Variants in DTD1 observed in about 807,000 individuals in gnomAD.
DTD1 encodes the protein D-aminoacyl-tRNA deacylase 1.
DTD1 carries 13 observed loss-of-function variants against 25.6 expected under a neutral mutation model. The observed-to-expected ratio is 0.51, with a 90% CI of 0.33 to 0.81. The LOEUF is 0.81. DTD1 is among the 30% of genes least tolerant of loss of function. The pLI, the probability that DTD1 is intolerant of heterozygous loss-of-function variation, is 0.02. For missense variants in DTD1, 193 were observed against 266.4 expected (o/e 0.72, Z 1.92); for synonymous variants, 110 against 103.6 (o/e 1.06, Z -0.37).
intron 4 of DTD1, among the ~76,000 whole-genome samples, chr20:18,648,762 C>T (rs559976533): frequency 2.8e-4 from 42 of 151,704 alleles, no homozygotes; most frequent in Non-Finnish European, 4.9e-4. Context: ...AATTTAAGGC[C>T]GAGGTGGGCG....
chr20:18,680,014 A>T (rs1210561803), intron 4 of DTD1, among the ~76,000 whole-genome samples: 1 of 152,286 alleles, frequency 6.6e-6, no homozygotes, highest in Non-Finnish European at 1.5e-5. Context: ...CTCAGGAATT[A>T]AACTTTGGAC....
chr20:18,708,262 ATTTT>A (rs1183463678), intron 4 of DTD1, among the ~76,000 whole-genome samples: 6 of 35,654 alleles, frequency 1.7e-4, no homozygotes, highest in African/African-American at 3.0e-4. Context: ...TTATATATAT[ATTTT>A]ATATATATAT....
At chr20:18,632,938 G>A (rs1453608339) in intron 4 of DTD1, among the ~76,000 whole-genome samples, 1 of 152,098 alleles carries the variant, frequency 6.6e-6, no homozygotes, top group African/African-American at 2.4e-5. Context: ...TTTGGTATTT[G>A]ATGGTGTGCT....
intron 4 of DTD1, among the ~76,000 whole-genome samples, chr20:18,636,850 G>GGGTTGGT (rs2060809499): frequency 6.6e-6 from 1 of 152,198 alleles, no homozygotes; most frequent in Admixed American, 6.5e-5. Context: ...AGTTATCCAG[G>GGGTTGGT]GGTTGGTGGT....
At chr20:18,723,935 T>C (rs921875069) in intron 4 of DTD1, among the ~76,000 whole-genome samples, 2 of 152,218 alleles carry the variant, frequency 1.3e-5, no homozygotes, top group African/African-American at 4.8e-5. Flanking sequence ...AGACTCCTCC[T>C]GTTTTCCATT....
intron 4 of DTD1, 149 bp downstream of exon 4, chr20:18,628,382 C>T (rs545578155): frequency 6.6e-5 from 43 of 648,490 alleles, no homozygotes; most frequent in Middle Eastern, 4.3e-4. Context: ...TGCATGTTTA[C>T]GGTGCACTCC....
intron 4 of DTD1, among the ~76,000 whole-genome samples, chr20:18,697,435 A>G (rs1044891477): frequency 1.3e-5 from 2 of 152,158 alleles, no homozygotes; most frequent in Non-Finnish European, 2.9e-5. Context: ...TAAATTTTAT[A>G]TAGTGGTAGA....
intron 4 of DTD1, among the ~76,000 whole-genome samples, chr20:18,718,875 G>C (rs931753324): frequency 2.6e-4 from 39 of 152,156 alleles, no homozygotes; most frequent in Admixed American, 7.9e-4. Context: ...TGGTAGCTCT[G>C]TCCTCTGCCT....
chr20:18,588,416 G>T (rs986322654), intron 1 of DTD1, among the ~76,000 whole-genome samples: 1 of 152,240 alleles, frequency 6.6e-6, no homozygotes, highest in African/African-American at 2.4e-5. Flanking sequence ...CTGCGTGCGG[G>T]ATGGCGGAGC....
At chr20:18,602,717 CA>C (rs1483038400) in intron 3 of DTD1, among the ~76,000 whole-genome samples, 1 of 51,654 alleles carries the variant, frequency 1.9e-5, no homozygotes, top group Non-Finnish European at 4.2e-5. Flanking sequence ...TACAGACAAG[CA>C]AATGCTGAGA....
chr20:18,718,519 A>G (rs980595414), intron 4 of DTD1, among the ~76,000 whole-genome samples: 3 of 152,262 alleles, frequency 2.0e-5, no homozygotes, highest in African/African-American at 7.2e-5. Flanking sequence ...CCTTTAGGGC[A>G]ACAATCATCT....
At chr20:18,698,838 C>T (rs1468545760) in intron 4 of DTD1, 1 of 152,164 alleles carries the variant, frequency 6.6e-6, no homozygotes, top group Non-Finnish European at 1.5e-5. Flanking sequence ...GTTCCGAGGC[C>T]CGAGCCCAGG....
At chr20:18,590,827 A>G (rs1039692275) in intron 1 of DTD1, among the ~76,000 whole-genome samples, 4 of 152,188 alleles carry the variant, frequency 2.6e-5, no homozygotes, top group African/African-American at 9.7e-5. Context: ...CTAATTTTTA[A>G]AAGTTTATTA....
chr20:18,764,956 A>G lies in DTD1; in HGVS notation c.*1616A>G, dbSNP rs983565584. On this transcript the variant is annotated 3_prime_UTR_variant, in exon 6 of 6. Transcript: ENST00000377452. ...CCACCACAGCATTTTATTGCCACCA[A>G]TTAATGCTTATTGAACAGTTGCAGC... 2 of 152,240 alleles carry G rather than the reference A, an allele frequency of 1.3e-5. No individual in the cohort carries two copies. Among genetic ancestry groups the G allele is most frequent in the African/African-American group, 2.4e-5 (1 of 41,460 alleles). The allele number at this position is 152,240 out of a possible 1,614,324, so 9.4% of individuals were successfully genotyped here. A position where few individuals can be genotyped will look rare whatever the true frequency, so the allele number is the denominator to read the frequency against.
chr20:18,705,194 G>A (rs896516433), intron 4 of DTD1, among the ~76,000 whole-genome samples: 1 of 152,180 alleles, frequency 6.6e-6, no homozygotes, highest in Admixed American at 6.5e-5. Flanking sequence ...TGAAGACTAG[G>A]AGTGCTGTTA....
At chr20:18,691,264 A>G (rs1425031874) in intron 4 of DTD1, among the ~76,000 whole-genome samples, 1 of 152,250 alleles carries the variant, frequency 6.6e-6, no homozygotes, top group Non-Finnish European at 1.5e-5. Flanking sequence ...ATTACTAAGT[A>G]TGTACATACC....
Position 18,653,335 on chromosome 20 carries a change from A to C in DTD1, c.477+25102A>C, listed in dbSNP as rs532213605. On this transcript the variant is annotated intron_variant, in intron 4 of 5. Transcript: ENST00000377452. ...TCTGAGCGTGGGAGGTTGAGGCTGC[A>C]GTGAGCCAAGATCGTACCACCAAAC... Among the ~76,000 whole-genome samples, 3 of 152,324 alleles carry C rather than the reference A, an allele frequency of 2.0e-5. No individual in the cohort carries two copies. The East Asian group carries it at 5.8e-4, about 29-fold the overall frequency.
intron 3 of DTD1, among the ~76,000 whole-genome samples, chr20:18,622,063 CAAA>C (rs11481961): frequency 1.2e-4 from 17 of 142,634 alleles, no homozygotes; most frequent in East Asian, 2.0e-4. Context: ...GACTCTGTCT[CAAA>C]AAAAAAAAAA....
chr20:18,593,892 T>A, intron 2 of DTD1, 71 bp downstream of exon 2: 1 of 1,243,016 alleles, frequency 8.0e-7, no homozygotes, highest in Non-Finnish European at 1.2e-6. Flanking sequence ...ACTTCCATAG[T>A]ACTTTGTGCC....
Sources: gnomAD v4.1 joint callset for allele counts (sites outside exome capture counted in the v4.1 genomes callset) on GRCh38, gnomAD v4.1.1 for gene constraint, MANE v1.5 for transcripts, NCBI Gene and HGNC (gene_info 2026-07-23, HGNC 2026-07-21) for gene names.